PVT1: variants seen among roughly 807,000 people sequenced by gnomAD.
PVT1 encodes the protein CXCR4/PVT1 fusion.
chr8:128,092,004 C>T (rs529976730), intron 5 of PVT1, among the ~76,000 whole-genome samples: 1 of 152,284 alleles, frequency 6.6e-6, no homozygotes, highest in South Asian at 2.1e-4. Flanking sequence ...CCTAACAGGT[C>T]AACAACCGGA....
chr8:127,949,379 C>CCGTGTG (rs1816466234), intron 3 of PVT1, among the ~76,000 whole-genome samples: 1 of 111,258 alleles, frequency 9.0e-6, no homozygotes, highest in African/African-American at 3.3e-5. Flanking sequence ...ACTCCAGGAG[C>CCGTGTG]TGTGTGTGTG....
intron 6 of PVT1, chr8:128,099,549 C>A (rs1032088093): frequency 4.6e-5 from 7 of 152,224 alleles, no homozygotes; most frequent in Non-Finnish European, 4.4e-5. Context: ...CACTACTGAC[C>A]TTGCAGCTTA....
At chr8:127,982,546 A>C (rs992282638) in intron 3 of PVT1, among the ~76,000 whole-genome samples, 1 of 152,002 alleles carries the variant, frequency 6.6e-6, no homozygotes, top group African/African-American at 2.4e-5. Flanking sequence ...TCAGTGGCTC[A>C]TGCCTGTGAT....
chr8:128,051,480 C>T (rs1293846488), intron 4 of PVT1, among the ~76,000 whole-genome samples: 1 of 152,050 alleles, frequency 6.6e-6, no homozygotes, highest in African/African-American at 2.4e-5. Flanking sequence ...GTTTATTTTC[C>T]TCTCCAGATT....
At chr8:128,019,295 A>C (rs932267049) in intron 4 of PVT1, among the ~76,000 whole-genome samples, 5 of 152,256 alleles carry the variant, frequency 3.3e-5, no homozygotes, top group Non-Finnish European at 7.3e-5. Flanking sequence ...CAATCTTAAA[A>C]ATTAATAATA....
chr8:127,828,735 C>T (rs1030155430), intron 2 of PVT1, among the ~76,000 whole-genome samples: 3 of 151,804 alleles, frequency 2.0e-5, no homozygotes, highest in Non-Finnish European at 2.9e-5. Flanking sequence ...TGCAGGTCCG[C>T]CCCCCCAGAC....
At chr8:127,943,670 G>A (rs906630516) in intron 3 of PVT1, among the ~76,000 whole-genome samples, 2 of 152,196 alleles carry the variant, frequency 1.3e-5, no homozygotes, top group African/African-American at 2.4e-5. Flanking sequence ...TTTTGTGGTG[G>A]TGTTGGTGGT....
intron 3 of PVT1, among the ~76,000 whole-genome samples, chr8:127,976,493 C>T (rs1816823873): frequency 6.6e-6 from 1 of 152,190 alleles, no homozygotes; most frequent in Admixed American, 6.5e-5. Context: ...TATAGTCCTC[C>T]TGCTGAACCT....
intron 2 of PVT1, among the ~76,000 whole-genome samples, chr8:127,874,855 GCCTGCCACCTGGC>G (rs1815387712): frequency 6.6e-6 from 1 of 151,900 alleles, no homozygotes; most frequent in Non-Finnish European, 1.5e-5. Context: ...TTGAGTTTTG[GCCTGCCACCTGGC>G]CCTTCCCTCG....
intron 3 of PVT1, among the ~76,000 whole-genome samples, chr8:127,915,798 A>G (rs1815977356): frequency 6.6e-6 from 1 of 152,160 alleles, no homozygotes; most frequent in Non-Finnish European, 1.5e-5. Flanking sequence ...GCTGCTTTTG[A>G]TCACTTTTCT....
chr8:128,023,347 A>G (rs970381441), intron 4 of PVT1, among the ~76,000 whole-genome samples: 2 of 152,022 alleles, frequency 1.3e-5, no homozygotes, highest in Admixed American at 1.3e-4. Flanking sequence ...CAGCCAGCCA[A>G]CTCCTAGACC....
chr8:127,809,029 C>CAAA lies in PVT1; in HGVS notation n.372+12982_372+12984dup, dbSNP rs1158760672. Among the ~76,000 whole-genome samples the CAAA allele has an allele frequency of 6.1e-3, 172 of 28,178 alleles. 8 individuals are homozygous for CAAA. Among genetic ancestry groups the CAAA allele is most frequent in the African/African-American group, 0.019 (136 of 6,986 alleles). The allele number at this position is 28,178 out of a possible 152,430, so 18.5% of individuals were successfully genotyped here. On this transcript the variant is annotated intron_variant and non_coding_transcript_variant, in intron 2 of 10. Transcript: ENST00000651587. ...TGGGCAACAAAGTGAGATTCCATCT[C>CAAA]AAAAAAAAAAAAAAAAAAAAAAAAA... is the stretch of plus-strand genomic sequence containing the variant.
At chr8:128,030,108 A>C (rs1396191325) in intron 4 of PVT1, among the ~76,000 whole-genome samples, 1 of 152,158 alleles carries the variant, frequency 6.6e-6, no homozygotes, top group Non-Finnish European at 1.5e-5. Context: ...ATGAGATGCC[A>C]TCTTAAGAAA....
intron 4 of PVT1, among the ~76,000 whole-genome samples, chr8:128,051,964 G>A (rs1181421483): frequency 6.6e-6 from 1 of 152,156 alleles, no homozygotes; most frequent in Non-Finnish European, 1.5e-5. Flanking sequence ...GCTTTAGTTT[G>A]TTTTTTAGTC....
intron 2 of PVT1, among the ~76,000 whole-genome samples, chr8:127,838,491 G>C (rs946442676): frequency 2.0e-5 from 3 of 152,066 alleles, no homozygotes; most frequent in African/African-American, 4.8e-5. Flanking sequence ...GATTACCTGA[G>C]GTCAGGAGTT....
chr8:127,875,905 A>G (rs564252876), intron 2 of PVT1, among the ~76,000 whole-genome samples: 1 of 152,198 alleles, frequency 6.6e-6, no homozygotes, highest in East Asian at 1.9e-4. Flanking sequence ...TTTATCTCCA[A>G]GGCCTCATGC....
At chr8:128,097,544 A>G (rs1814444748) in intron 6 of PVT1, among the ~76,000 whole-genome samples, 1 of 152,174 alleles carries the variant, frequency 6.6e-6, no homozygotes, top group East Asian at 1.9e-4. Context: ...GGCCCTTTAC[A>G]GAAAAAGTGT....
intron 2 of PVT1, among the ~76,000 whole-genome samples, chr8:127,863,792 G>C (rs553520222): frequency 6.6e-6 from 1 of 152,168 alleles, no homozygotes; most frequent in East Asian, 1.9e-4. Flanking sequence ...CTTGGACCTG[G>C]CAGATCTGGG....
At chr8:127,963,760 G>C (rs1374083415) in intron 3 of PVT1, among the ~76,000 whole-genome samples, 2 of 152,098 alleles carry the variant, frequency 1.3e-5, no homozygotes, top group African/African-American at 4.8e-5. Flanking sequence ...ATCTAGCTGG[G>C]GCCCAGGTGG....
Sources: allele counts gnomAD v4.1 joint callset (sites outside exome capture counted in the v4.1 genomes callset), GRCh38; gene constraint gnomAD v4.1.1; transcripts MANE v1.5; gene names NCBI Gene and HGNC (gene_info 2026-07-23, HGNC 2026-07-21).